CTNNA2: variants seen among roughly 807,000 people sequenced by gnomAD.
CTNNA2 encodes the protein catenin alpha-2.
CTNNA2 carries 42 observed loss-of-function variants against 101.0 expected under a neutral mutation model. The ratio of observed to expected loss-of-function variants is 0.42; its 90% CI spans 0.32 to 0.54. CTNNA2 has a LOEUF of 0.54. Among genes scored for constraint, CTNNA2 ranks in the 20% least tolerant of loss-of-function variants. The pLI is 0.14. For missense variants in CTNNA2, 871 were observed against 1,223.1 expected (o/e 0.71, Z 4.29); for synonymous variants, 450 against 456.4 (o/e 0.99, Z 0.18).
At chr2:79,401,023 A>T (rs1213778692) in intron 4 of CTNNA2, among the ~76,000 whole-genome samples, 1 of 151,922 alleles carries the variant, frequency 6.6e-6, no homozygotes, top group Admixed American at 6.6e-5. Flanking sequence ...TTCAAAAATA[A>T]TAGAGAAATT....
chr2:79,589,349 T>C (rs1354445146), intron 1 of CTNNA2, among the ~76,000 whole-genome samples: 1 of 152,160 alleles, frequency 6.6e-6, no homozygotes, highest in Non-Finnish European at 1.5e-5. Flanking sequence ...ATCTTTTCTA[T>C]CGTAAAAGAA....
rs4852540 is a variant in CTNNA2 at position 79,897,521 on chromosome 2, A to G, written c.853-12073A>G. ...ATATATTGTTCAAATCTCTTTACTT[A>G]TATTATTTAACTTTCTCAACAACAC... On this transcript the variant is annotated intron_variant, in intron 6 of 18. Transcript: ENST00000402739. Among the ~76,000 whole-genome samples, 3,974 of 152,232 alleles carry G rather than the reference A, an allele frequency of 0.026. 344 individuals are homozygous for G. In the East Asian group the frequency reaches 0.32, roughly 12 times the overall value.
chr2:80,568,509 A>AT (rs140680429), intron 12 of CTNNA2, among the ~76,000 whole-genome samples: 2,685 of 152,258 alleles, frequency 0.018, 86 homozygotes, highest in African/African-American at 0.062. Context: ...AACAGTTGAC[A>AT]TACAGAAATA....
chr2:79,715,301 C>A (rs1228200699), intron 2 of CTNNA2, among the ~76,000 whole-genome samples: 9 of 150,518 alleles, frequency 6.0e-5, no homozygotes, highest in Admixed American at 5.3e-4. Context: ...GCCTTGCTAA[C>A]ATCTGCAGAT....
At chr2:79,896,999 T>C (rs1684759710) in intron 6 of CTNNA2, among the ~76,000 whole-genome samples, 1 of 152,182 alleles carries the variant, frequency 6.6e-6, no homozygotes, top group African/African-American at 2.4e-5. Context: ...GCTGAGAATC[T>C]TGAAGGCCAG....
chr2:80,303,344 C>G lies in CTNNA2; in HGVS notation c.1057-89867C>G. ...ATGCAGCGTGGTGAGCTTCCGCAGC[C>G]CGTGGAAGAGGTCGGGCGCGAGCGC... is the stretch of plus-strand genomic sequence containing the variant. On this transcript the variant is annotated intron_variant, in intron 7 of 18. Transcript: ENST00000402739. The surrounding 1 kb of genome is among the most constrained non-coding windows in gnomAD (Gnocchi z 7.7). 6.2e-7 allele frequency: 1 copy of G among 1,613,976 alleles called. No homozygotes were observed. The highest frequency in any genetic ancestry group is 8.5e-7 in the Non-Finnish European group (1 of 1,180,028).
intron 4 of CTNNA2, among the ~76,000 whole-genome samples, chr2:79,376,181 G>A (rs1677971880): frequency 6.6e-6 from 1 of 152,142 alleles, no homozygotes; most frequent in Admixed American, 6.5e-5. Context: ...GATGGGGAAG[G>A]CAGCCAGAGT....
chr2:79,660,077 T>A (rs1681914784), intron 2 of CTNNA2, among the ~76,000 whole-genome samples: 1 of 152,108 alleles, frequency 6.6e-6, no homozygotes, highest in Non-Finnish European at 1.5e-5. Flanking sequence ...TCTCTGCATC[T>A]TTCCTTGTCA....
At chr2:79,769,477 C>T (rs1197773504) in intron 3 of CTNNA2, among the ~76,000 whole-genome samples, 2 of 152,162 alleles carry the variant, frequency 1.3e-5, no homozygotes, top group South Asian at 2.1e-4. Flanking sequence ...AGGTTCTTCA[C>T]GTAGATTACA....
At chr2:80,522,274 A>G (rs1175242874) in intron 9 of CTNNA2, among the ~76,000 whole-genome samples, 1 of 152,132 alleles carries the variant, frequency 6.6e-6, no homozygotes, top group Non-Finnish European at 1.5e-5. Flanking sequence ...CTCAAAAGAG[A>G]GTCTTAATGA....
At chr2:80,342,684 T>C (rs926762742) in intron 7 of CTNNA2, among the ~76,000 whole-genome samples, 1 of 152,182 alleles carries the variant, frequency 6.6e-6, no homozygotes, top group Non-Finnish European at 1.5e-5. Context: ...TGAAAAAAAA[T>C]GCAGAGTGCC....
At chr2:79,510,220 A>G (rs985731760), upstream of CTNNA2, among the ~76,000 whole-genome samples, 1 of 152,166 alleles carries the variant, frequency 6.6e-6, no homozygotes, top group Non-Finnish European at 1.5e-5. Context: ...TTTTAATATG[A>G]GTGAGGGAAA....
chr2:80,286,298 T>C (rs1055369462), intron 7 of CTNNA2, among the ~76,000 whole-genome samples: 2 of 151,830 alleles, frequency 1.3e-5, no homozygotes, highest in Non-Finnish European at 2.9e-5. Context: ...TTTCTTCTTT[T>C]CCCCCCGCCC....
intron 11 of CTNNA2, among the ~76,000 whole-genome samples, 197 bp downstream of exon 11, chr2:80,546,260 G>A (rs1692050003): frequency 6.6e-6 from 1 of 152,184 alleles, no homozygotes; most frequent in African/African-American, 2.4e-5. Flanking sequence ...AAGACACGGA[G>A]TCAAGGCATT....
At chr2:79,859,868 A>C in intron 4 of CTNNA2, among the ~76,000 whole-genome samples, 1 of 152,162 alleles carries the variant, frequency 6.6e-6, no homozygotes, top group East Asian at 1.9e-4. Flanking sequence ...GATAAATCTC[A>C]GATATCTCAT....
At chr2:79,976,323 C>T (rs757953397) in intron 7 of CTNNA2, among the ~76,000 whole-genome samples, 20 of 152,198 alleles carry the variant, frequency 1.3e-4, no homozygotes, top group East Asian at 5.8e-4. Flanking sequence ...GAACAGGAGA[C>T]GGATTGTGAC....
At chr2:79,320,260 A>ATTTTTTTTTTT (rs34694986) in intron 3 of CTNNA2, among the ~76,000 whole-genome samples, 1 of 119,788 alleles carries the variant, frequency 8.3e-6, no homozygotes, top group Non-Finnish European at 1.7e-5. Flanking sequence ...TTACGTTTCA[A>ATTTTTTTTTTT]TTTTTTTTTT....
intron 1 of CTNNA2, among the ~76,000 whole-genome samples, chr2:79,632,039 A>T (rs1679730565): frequency 6.6e-6 from 1 of 152,164 alleles, no homozygotes; most frequent in Admixed American, 6.5e-5. Context: ...AAGGGTATAT[A>T]TTTCTTGATT....
intron 2 of CTNNA2, among the ~76,000 whole-genome samples, chr2:79,667,980 C>G (rs1034781149): frequency 1.3e-5 from 2 of 151,048 alleles, no homozygotes; most frequent in Non-Finnish European, 2.9e-5. Flanking sequence ...GTGGCTCACG[C>G]CTGTAATCCC....
Sources: allele counts gnomAD v4.1 joint callset (sites outside exome capture counted in the v4.1 genomes callset), GRCh38; gene constraint gnomAD v4.1.1; non-coding constraint Gnocchi (gnomAD v3.1); transcripts MANE v1.5; gene names NCBI Gene and HGNC (gene_info 2026-07-23, HGNC 2026-07-21).